DMD: variants seen among roughly 807,000 people sequenced by gnomAD.
DMD encodes mutant dystrophin.
In DMD, 63 loss-of-function variants were observed where a neutral mutation model predicts 330.1. That is an observed-to-expected ratio of 0.19 (90% CI 0.16 to 0.24). The LOEUF is 0.24. DMD is among the 10% of genes least tolerant of loss of function. The pLI is 1.00. For missense variants in DMD, 3,344 were observed against 2,684.1 expected, an observed-to-expected ratio of 1.25 and a Z score of -5.43; for synonymous variants, 1,223 against 959.8, an observed-to-expected ratio of 1.27 and a Z score of -5.07.
Position 31,789,271 on chromosome X carries a change from T to C in DMD, c.7310-15079A>G, listed in dbSNP as rs192418692. 8.1e-5 allele frequency among the ~76,000 whole-genome samples: 9 copies of C among 111,535 alleles called. No homozygotes were observed. In the East Asian group the frequency reaches 2.0e-3, roughly 24 times the overall value. On this transcript the variant is annotated intron_variant, in intron 50 of 78. Transcript: ENST00000357033. ...CTATAGGTTTTTGCTTTTGCTACTA[T>C]AGGTTTTTGCTTTTCTTTACATCTT...
intron 22 of DMD, among the ~76,000 whole-genome samples, chrX:32,469,548 A>T (rs1242910540): frequency 9.0e-6 from 1 of 111,012 alleles, no homozygotes; most frequent in Non-Finnish European, 1.9e-5. Flanking sequence ...GTTTCATAGT[A>T]TCCTATGCCT....
intron 7 of DMD, among the ~76,000 whole-genome samples, chrX:32,777,978 T>C (rs2074344137): frequency 8.9e-6 from 1 of 111,821 alleles, no homozygotes; most frequent in African/African-American, 3.2e-5. Context: ...CAAGAAGCAA[T>C]CCCAGCAAGA....
At chrX:32,867,169 TAAAA>T (rs35927892) in intron 2 of DMD, among the ~76,000 whole-genome samples, 445 of 102,389 alleles carry the variant, frequency 4.3e-3, no homozygotes, top group African/African-American at 0.015. Flanking sequence ...TTGGAGAAGT[TAAAA>T]AAAAAAAAAA....
Position 32,348,666 on chromosome X carries a change from G to T in DMD, c.5326-138C>A. 5.2e-6 allele frequency: 3 copies of T among 581,674 alleles called. No individual in the cohort carries two copies. In the South Asian group the frequency reaches 9.2e-5, roughly 18 times the overall value. 47.9% of individuals were successfully genotyped at this position (581,674 alleles called of 1,213,427 possible). On this transcript the variant is annotated intron_variant, in intron 37 of 78. Transcript: ENST00000357033. ...GTTTCCATATTATGTTTTATGAAGG[G>T]TTTTGAAATACAACTGGAAAAGTAC...
chrX:32,854,187 C>A (rs1446267986), intron 2 of DMD, among the ~76,000 whole-genome samples: 1 of 111,522 alleles, frequency 9.0e-6, no homozygotes, highest in Non-Finnish European at 1.9e-5. Context: ...GTACTACAGA[C>A]TAAATGTACC....
At chrX:31,946,150 C>G (rs1281775012) in intron 45 of DMD, among the ~76,000 whole-genome samples, 1 of 112,121 alleles carries the variant, frequency 8.9e-6, no homozygotes, top group African/African-American at 3.2e-5. Context: ...GTGGATCTTA[C>G]TTAGATTGAA....
At chrX:31,808,261 A>T (rs1424240813) in intron 50 of DMD, among the ~76,000 whole-genome samples, 1 of 111,828 alleles carries the variant, frequency 8.9e-6, no homozygotes, top group Non-Finnish European at 1.9e-5. Context: ...ACATGAAGTG[A>T]CAATGTTGTT....
chrX:32,744,241 T>C (rs753534923), intron 7 of DMD, among the ~76,000 whole-genome samples: 18 of 110,295 alleles, frequency 1.6e-4, no homozygotes, highest in African/African-American at 5.9e-4. Context: ...TTGAATATTA[T>C]CAAAACTTCC....
intron 2 of DMD, among the ~76,000 whole-genome samples, chrX:32,886,959 A>G (rs1299615202): frequency 4.5e-5 from 5 of 112,073 alleles, no homozygotes; most frequent in Non-Finnish European, 7.5e-5. Context: ...AAGGAACCCA[A>G]TGAAATATGC....
intron 20 of DMD, 86 bp from the exon 21 acceptor site, chrX:32,485,185 G>T (rs2042294401): frequency 1.1e-6 from 1 of 915,922 alleles, no homozygotes; most frequent in Non-Finnish European, 1.6e-6. Context: ...AAGCAGTAAG[G>T]CAAGTTTAGC....
At chrX:32,005,042 T>C (rs1289714583) in intron 44 of DMD, among the ~76,000 whole-genome samples, 1 of 111,644 alleles carries the variant, frequency 9.0e-6, no homozygotes. Flanking sequence ...GCATCATCAC[T>C]CATTCTTATC....
chrX:32,306,862 T>C (rs1001796741), intron 42 of DMD, among the ~76,000 whole-genome samples: 4 of 111,230 alleles, frequency 3.6e-5, no homozygotes, highest in African/African-American at 1.3e-4. Flanking sequence ...TAATATTAGC[T>C]GTAAATTGAT....
At chrX:32,509,187 GT>G (rs1177584510) in intron 18 of DMD, among the ~76,000 whole-genome samples, 2 of 43,793 alleles carry the variant, frequency 4.6e-5, no homozygotes, top group Admixed American at 5.7e-4. Flanking sequence ...TATAAAAAGT[GT>G]TAAAAAAAAA....
intron 11 of DMD, among the ~76,000 whole-genome samples, chrX:32,629,428 G>C (rs1036045772): frequency 9.0e-6 from 1 of 111,102 alleles, no homozygotes; most frequent in Non-Finnish European, 1.9e-5. Context: ...TGTGTTTCTT[G>C]TAAGTAACAG....
intron 45 of DMD, among the ~76,000 whole-genome samples, chrX:31,966,572 G>T (rs1345846535): frequency 9.1e-6 from 1 of 110,111 alleles, no homozygotes; most frequent in East Asian, 2.8e-4. Context: ...ATTTAATGTA[G>T]GTCAACATGT....
In DMD at chrX:32,070,609, CTATA is replaced by C. The variant is rs1186534526; in HGVS notation, c.6439-102099_6439-102096del. ...TATATACATATGTATGTACGTGTGT[CTATA>C]TATATATATATGAATACTACTCAGC... is the stretch of plus-strand genomic sequence containing the variant. On this transcript the variant is annotated intron_variant, in intron 44 of 78. Transcript: ENST00000357033. Among the ~76,000 whole-genome samples the C allele has an allele frequency of 3.7e-5, 4 of 108,291 alleles. No homozygotes were observed. The Admixed American group carries it at 4.0e-4, about 11-fold the overall frequency. 94.0% of individuals were successfully genotyped at this position (108,291 alleles called of 115,157 possible).
intron 29 of DMD, among the ~76,000 whole-genome samples, chrX:32,412,687 A>C (rs1161456132): frequency 9.0e-6 from 1 of 111,577 alleles, no homozygotes; most frequent in Non-Finnish European, 1.9e-5. Context: ...GAGTAGTTGT[A>C]AAAGTAAGAA....
Position 32,343,158 on chromosome X carries a change from C to T in DMD, c.5715G>A (p.Glu1905=), listed in dbSNP as rs1304283961. The T allele has an allele frequency of 2.5e-6, 3 of 1,210,720 alleles. No homozygotes were observed. Among genetic ancestry groups the T allele is most frequent in the Admixed American group, 4.4e-5 (2 of 45,936 alleles). ...CCTTTATTTTCCTTTCATCTCTGGGCTCAGGTAGGCTGGCTAATTTTTTTT... is the reference window on the plus strand; with the variant it reads ...CCTTTATTTTCCTTTCATCTCTGGGTTCAGGTAGGCTGGCTAATTTTTTTT... ...DIEKKLASLP[E]PRDERKIKEI... The change falls in exon 40 of 79, where the codon GAG becomes GAA. Residue 1905 remains glutamate, a synonymous_variant. Coordinates refer to ENST00000357033, the MANE Select transcript of DMD (RefSeq NM_004006.3).
intron 53 of DMD, among the ~76,000 whole-genome samples, chrX:31,677,689 T>C (rs1294423753): frequency 1.8e-5 from 2 of 112,228 alleles, no homozygotes; most frequent in Non-Finnish European, 3.8e-5. Flanking sequence ...AAAGAATTTT[T>C]ATTCACCTAG....
Sources: gnomAD v4.1 joint callset for allele counts (sites outside exome capture counted in the v4.1 genomes callset) on GRCh38, gnomAD v4.1.1 for gene constraint, MANE v1.5 for transcripts, NCBI Gene and HGNC (gene_info 2026-07-23, HGNC 2026-07-21) for gene names.